NOB1: variants seen among roughly 807,000 people sequenced by gnomAD.
NOB1 encodes RNA-binding protein NOB1.
A neutral mutation model predicts 44.8 loss-of-function variants in NOB1; 44 were observed. The ratio of observed to expected loss-of-function variants is 0.98; its 90% CI spans 0.77 to 1.26. The LOEUF (loss-of-function observed/expected upper bound fraction) is 1.26. NOB1 is among the 50% of genes most tolerant of loss of function. The probability of loss-of-function intolerance (pLI) is 0.00; values close to 1 mark genes in which losing one functional copy is unlikely to be tolerated. For missense variants in NOB1, 560 were observed against 544.8 expected (o/e 1.03, Z -0.28); for synonymous variants, 238 against 218.7 (o/e 1.09, Z -0.78).
chr16:69,742,162 C>G lies in NOB1; in HGVS notation c.*170G>C, dbSNP rs913770187. The G allele has an allele frequency of 1.3e-6, 1 of 791,796 alleles. No individual in the cohort carries two copies. The highest frequency in any genetic ancestry group is 2.0e-6 in the Non-Finnish European group (1 of 502,448). 49.0% of individuals were successfully genotyped at this position (791,796 alleles called of 1,614,324 possible). A position where few individuals can be genotyped will look rare whatever the true frequency, so the allele number is the denominator to read the frequency against. Reference sequence around the variant, plus strand: ...GCTCCGGTGCTCACAGGCCATGGGACAGTCCAGTTCCCTGCAGACCCAGCG... The same window carrying G: ...GCTCCGGTGCTCACAGGCCATGGGAGAGTCCAGTTCCCTGCAGACCCAGCG... On this transcript the variant is annotated 3_prime_UTR_variant, in exon 9 of 9. Coordinates refer to ENST00000268802, the MANE Select transcript of NOB1 (RefSeq NM_014062.3).
intron 7 of NOB1, among the ~76,000 whole-genome samples, chr16:69,746,908 A>G (rs981762021): frequency 6.6e-6 from 1 of 151,052 alleles, no homozygotes; most frequent in African/African-American, 2.4e-5. Flanking sequence ...TCAGAAAAAA[A>G]CAAAAAACCC....
At chr16:69,754,456 C>A in intron 2 of NOB1, 138 bp downstream of exon 2, 1 of 1,221,408 alleles carries the variant, frequency 8.2e-7, no homozygotes, top group Non-Finnish European at 1.1e-6. Context: ...AGCCTCTCTC[C>A]TACCACAATC....
At position 69,744,936 on chromosome 16, in the gene NOB1, G is replaced by A. The variant is rs202063989; in HGVS notation, c.906C>T (p.Asp302=). The change falls in exon 8 of 9, where the codon GAC becomes GAT. Residue 302 remains aspartate, a synonymous_variant. Transcript: ENST00000268802. The stretch of plus-strand genomic sequence containing the variant: ...AGAAGTGCATGTGCAGGGTGCCGTC[G>A]TCGCTGACGGTCACGGACACTTTCT... ...TLKKVSVTVS[D]DGTLHMHFSR... is the part of the protein sequence containing the mutation. 113 of 1,614,020 alleles carry A rather than the reference G, an allele frequency of 7.0e-5. No individual in the cohort carries two copies. Among genetic ancestry groups the A allele is most frequent in the Middle Eastern group, 1.6e-4 (1 of 6,066 alleles).
intron 3 of NOB1, among the ~76,000 whole-genome samples, chr16:69,751,135 A>G (rs4247107): frequency 0.85 from 129,844 of 151,974 alleles, 55,694 homozygotes; most frequent in Admixed American, 0.9. Flanking sequence ...ACTCAGGCTG[A>G]AGTGCAGTGG....
rs2038386635 is a variant in NOB1, at chr16:69,742,160, G to A, written c.*172C>T. ...GCGCTCCGGTGCTCACAGGCCATGG[G>A]ACAGTCCAGTTCCCTGCAGACCCAG... On this transcript the variant is annotated 3_prime_UTR_variant, in exon 9 of 9. Coordinates refer to ENST00000268802, the MANE Select transcript of NOB1 (RefSeq NM_014062.3). 1.3e-6 allele frequency: 1 copy of A among 787,012 alleles called. No individual in the cohort carries two copies. Among genetic ancestry groups the A allele is most frequent in the African/African-American group, 1.7e-5 (1 of 57,148 alleles). 48.8% of individuals were successfully genotyped at this position (787,012 alleles called of 1,614,324 possible).
chr16:69,752,682 G>A (rs2038492717), intron 2 of NOB1, among the ~76,000 whole-genome samples: 1 of 151,808 alleles, frequency 6.6e-6, no homozygotes, highest in Non-Finnish European at 1.5e-5. Flanking sequence ...GCTCACGCCT[G>A]TAATCCCAAC....
rs374597483 is a variant in NOB1 at position 69,751,586 on chromosome 16, C to T, written c.327+655G>A. Among the ~76,000 whole-genome samples the T allele has an allele frequency of 5.5e-4, 84 of 152,060 alleles. 1 individual carries two copies. Among genetic ancestry groups the T allele is most frequent in the African/African-American group, 1.6e-3 (65 of 41,508 alleles). On this transcript the variant is annotated intron_variant, in intron 3 of 8. Coordinates refer to ENST00000268802, the MANE Select transcript of NOB1 (RefSeq NM_014062.3). Reference sequence around the variant, plus strand: ...TGGGATCCTGATCCAAACAAACAAACGCTTTAACATTTACAAAATAACTGG... The same window carrying T: ...TGGGATCCTGATCCAAACAAACAAATGCTTTAACATTTACAAAATAACTGG...
At chr16:69,754,110 T>C (rs1405346672) in intron 2 of NOB1, among the ~76,000 whole-genome samples, 2 of 152,256 alleles carry the variant, frequency 1.3e-5, no homozygotes, top group Non-Finnish European at 2.9e-5. Flanking sequence ...AGCTTAATTT[T>C]CTTTCACATT....
At chr16:69,745,597 G>C (rs1470200022) in intron 7 of NOB1, among the ~76,000 whole-genome samples, 12 of 152,206 alleles carry the variant, frequency 7.9e-5, no homozygotes, top group Admixed American at 7.9e-4. Context: ...TGCTGTGGCT[G>C]AACTAAGCCC....
chr16:69,743,322 A>G (rs2038400566), intron 8 of NOB1, among the ~76,000 whole-genome samples: 2 of 152,242 alleles, frequency 1.3e-5, no homozygotes, highest in South Asian at 4.1e-4. Context: ...AATAATCACT[A>G]TAATAACTGT....
At chr16:69,749,457 T>C in intron 4 of NOB1, 102 bp downstream of exon 4, 1 of 1,525,464 alleles carries the variant, frequency 6.6e-7, no homozygotes, top group Non-Finnish European at 9.0e-7. Flanking sequence ...CAAACTATGT[T>C]ATTGGTCCGC....
intron 2 of NOB1, 40 bp downstream of exon 2, chr16:69,754,554 G>A: frequency 6.2e-7 from 1 of 1,609,568 alleles, no homozygotes; most frequent in Admixed American, 1.7e-5. Context: ...CTGCGCCCTG[G>A]ACCCCAGCTT....
At chr16:69,749,522 A>C in intron 4 of NOB1, 37 bp downstream of exon 4, 1 of 1,586,506 alleles carries the variant, frequency 6.3e-7, no homozygotes, top group Non-Finnish European at 8.6e-7. Context: ...ATGTTTCAGA[A>C]AAGAGCATGA....
chr16:69,752,418 T>C (rs995491110), intron 2 of NOB1, 47 bp from the exon 3 acceptor site: 11 of 1,588,288 alleles, frequency 6.9e-6, no homozygotes, highest in African/African-American at 1.3e-5. Flanking sequence ...AAAAGCCATA[T>C]GACCTTGGAT....
chr16:69,750,929 T>A (rs954346604), intron 3 of NOB1, among the ~76,000 whole-genome samples: 3 of 152,206 alleles, frequency 2.0e-5, no homozygotes, highest in African/African-American at 7.2e-5. Context: ...ATCCTCTGGC[T>A]TAGAAATAGA....
chr16:69,744,685 C>A (rs1379469099), intron 8 of NOB1, among the ~76,000 whole-genome samples, 188 bp downstream of exon 8: 1 of 152,238 alleles, frequency 6.6e-6, no homozygotes, highest in Admixed American at 6.5e-5. Flanking sequence ...TTCACAACTA[C>A]TGCCTGAATA....
At position 69,749,590 on chromosome 16, in the gene NOB1, A is replaced by G; in HGVS notation, c.368T>C (p.Leu123Pro). The change falls in exon 4 of 9, where the codon CTG (leucine) becomes CCG (proline). Residue 123 changes from leucine (L) to proline (P), a missense_variant. Transcript: ENST00000268802. ...SSSIQHPETPLHISGFHLPYK... is the reference protein window; with the variant it reads ...SSSIQHPETPPHISGFHLPYK... ...GGGCAGATGGAAACCAGAAATGTGCAGAGGTGTTTCTGGGTGCTGAATCGA... is the reference window on the plus strand; with the variant it reads ...GGGCAGATGGAAACCAGAAATGTGCGGAGGTGTTTCTGGGTGCTGAATCGA... The G allele has an allele frequency of 1.9e-6, 3 of 1,613,696 alleles. No homozygotes were observed. The highest frequency in any genetic ancestry group is 8.5e-7 in the Non-Finnish European group (1 of 1,179,878).
chr16:69,744,989 AG>A lies in NOB1; in HGVS notation c.852del (p.Cys285AlafsTer9). 6.2e-7 allele frequency: 1 copy of A among 1,614,184 alleles called. No individual in the cohort carries two copies. On this transcript the variant is annotated frameshift_variant, in exon 8 of 9. Transcript: ENST00000268802. LOFTEE classifies it high-confidence loss of function. Reference sequence around the variant, plus strand: ...AGGGTCTTGTTCCCACAGTGTGAGCAGAACACTCGGCTCATGTCAGACGTTG... The same window carrying A: ...AGGGTCTTGTTCCCACAGTGTGAGCAAACACTCGGCTCATGTCAGACGTTG... Reference protein sequence around the residue: ...FKTTSDMSRVFCSHCGNKTLK... With the variant: ...FKTTSDMSRVXCSHCGNKTLK...
chr16:69,742,687 C>A (rs2038395166), intron 8 of NOB1, 86 bp from the exon 9 acceptor site: 1 of 1,399,584 alleles, frequency 7.1e-7, no homozygotes, highest in African/African-American at 1.4e-5. Context: ...GCCGACCTTG[C>A]AGATCCTGGT....
Sources: gnomAD v4.1 joint callset for allele counts (sites outside exome capture counted in the v4.1 genomes callset) on GRCh38, gnomAD v4.1.1 for gene constraint, MANE v1.5 for transcripts, NCBI Gene and HGNC (gene_info 2026-07-23, HGNC 2026-07-21) for gene names.